CPNE4: variants seen among roughly 807,000 people sequenced by gnomAD.
CPNE4 encodes the protein copine-4.
Under a neutral mutation model 67.9 loss-of-function variants are expected in CPNE4, and 25 were observed. That is an observed-to-expected ratio of 0.37 (90% CI 0.27 to 0.51). The LOEUF (loss-of-function observed/expected upper bound fraction) is 0.51. CPNE4 is among the 20% of genes least tolerant of loss of function. The probability of loss-of-function intolerance (pLI) is 0.93; values close to 1 mark genes in which losing one functional copy is unlikely to be tolerated. For missense variants in CPNE4, 464 were observed against 690.8 expected (o/e 0.67, Z 3.68); for synonymous variants, 242 against 244.9 (o/e 0.99, Z 0.11).
chr3:131,703,256 A>G (rs2081345125), intron 3 of CPNE4, among the ~76,000 whole-genome samples: 1 of 152,252 alleles, frequency 6.6e-6, no homozygotes, highest in Non-Finnish European at 1.5e-5. Flanking sequence ...ATTTGAGGCC[A>G]ACAAATAGCA....
chr3:132,012,496 G>C (rs2107678881), intron 1 of CPNE4, among the ~76,000 whole-genome samples: 1 of 152,166 alleles, frequency 6.6e-6, no homozygotes, highest in South Asian at 2.1e-4. Context: ...GGTGGTACTA[G>C]ATTTGGCTCC....
intron 2 of CPNE4, among the ~76,000 whole-genome samples, chr3:131,777,791 A>G (rs753617626): frequency 6.6e-6 from 1 of 152,102 alleles, no homozygotes; most frequent in Non-Finnish European, 1.5e-5. Flanking sequence ...AGGATGTACA[A>G]TGGAAAGCAG....
chr3:131,568,849 G>A (rs929693799), intron 10 of CPNE4, among the ~76,000 whole-genome samples: 7 of 151,892 alleles, frequency 4.6e-5, no homozygotes, highest in Non-Finnish European at 7.4e-5. Context: ...GAACCTTCTC[G>A]ACGTTTTCTA....
chr3:131,752,384 G>A (rs2082651746), intron 2 of CPNE4, among the ~76,000 whole-genome samples: 1 of 152,040 alleles, frequency 6.6e-6, no homozygotes, highest in South Asian at 2.1e-4. Flanking sequence ...GGTCCTTTGG[G>A]TAGGGAGAGT....
chr3:131,652,947 A>G (rs1245695732), intron 7 of CPNE4, among the ~76,000 whole-genome samples: 1 of 152,130 alleles, frequency 6.6e-6, no homozygotes, highest in African/African-American at 2.4e-5. Context: ...AACTGAATTC[A>G]TCTTTCTCAT....
At chr3:131,778,304 T>C (rs1016121537) in intron 2 of CPNE4, among the ~76,000 whole-genome samples, 2 of 152,052 alleles carry the variant, frequency 1.3e-5, no homozygotes. Context: ...CCTCCTATCG[T>C]GTACCCTTCC....
chr3:132,016,676 T>C lies in CPNE4; in HGVS notation c.-2+17891A>G, dbSNP rs1488117838. Reference sequence around the variant, plus strand: ...TCCTGGATTGAAATTTTCTCTCCTCTTTGAATATTAAAATCCTATTTGGAA... The same window carrying C: ...TCCTGGATTGAAATTTTCTCTCCTCCTTGAATATTAAAATCCTATTTGGAA... On this transcript the variant is annotated intron_variant, in intron 1 of 15. Coordinates refer to ENST00000429747, the MANE Select transcript of CPNE4 (RefSeq NM_130808.3). 3.3e-5 allele frequency among the ~76,000 whole-genome samples: 5 copies of C among 152,208 alleles called. 1 individual carries two copies. The South Asian group carries it at 1.0e-3, about 32-fold the overall frequency.
At chr3:132,038,003 C>CTTTTTTTT (rs35184182), upstream of CPNE4, 1 of 145,464 alleles carries the variant, frequency 6.9e-6, no homozygotes, top group African/African-American at 2.6e-5. Context: ...TATTTTCTTT[C>CTTTTTTTT]TTTTTTTTTT....
intron 2 of CPNE4, among the ~76,000 whole-genome samples, chr3:131,888,768 G>A (rs545564428): frequency 6.6e-6 from 1 of 152,134 alleles, no homozygotes; most frequent in African/African-American, 2.4e-5. Flanking sequence ...TGCAGAGAGT[G>A]GAGGGGATAA....
chr3:131,547,281 C>T (rs369571181), intron 14 of CPNE4, among the ~76,000 whole-genome samples: 271 of 151,508 alleles, frequency 1.8e-3, no homozygotes, highest in African/African-American at 6.4e-3. Context: ...ATAGCAAGAC[C>T]CCACCTCTAC....
intron 2 of CPNE4, among the ~76,000 whole-genome samples, chr3:131,770,792 C>T (rs1247396090): frequency 2.6e-5 from 4 of 152,184 alleles, no homozygotes; most frequent in African/African-American, 7.2e-5. Context: ...TTGGAAACCT[C>T]CCTGACTTAC....
chr3:132,006,774 G>A (rs566682153), intron 1 of CPNE4, among the ~76,000 whole-genome samples: 1 of 152,086 alleles, frequency 6.6e-6, no homozygotes, highest in South Asian at 2.1e-4. Flanking sequence ...GTCACAATGG[G>A]GCATGACGTG....
intron 2 of CPNE4, among the ~76,000 whole-genome samples, chr3:131,806,154 T>C (rs1417830047): frequency 1.3e-5 from 2 of 152,358 alleles, no homozygotes; most frequent in Non-Finnish European, 2.9e-5. Flanking sequence ...TCTGGGAAGT[T>C]AAGGAGAACG....
At chr3:131,853,863 C>T (rs1334347252) in intron 2 of CPNE4, among the ~76,000 whole-genome samples, 1 of 151,780 alleles carries the variant, frequency 6.6e-6, no homozygotes, top group Non-Finnish European at 1.5e-5. Context: ...ACTAAAATGG[C>T]TAAAATGAAA....
At position 131,613,978 on chromosome 3, in the gene CPNE4, G is replaced by A. The variant is rs552722991; in HGVS notation, c.682-26396C>T. ...AACTTAATTAAGAGTTTGGTGGATT[G>A]TCATTTGGCCCAGTGGCTGGCCTGG... On this transcript the variant is annotated intron_variant, in intron 7 of 15. Transcript: ENST00000429747. 1.3e-5 allele frequency among the ~76,000 whole-genome samples: 2 copies of A among 152,280 alleles called. 1 individual carries two copies. Among genetic ancestry groups the A allele is most frequent in the South Asian group, 4.2e-4 (2 of 4,814 alleles).
upstream of CPNE4, chr3:132,037,831 T>C (rs537207063): frequency 9.5e-6 from 5 of 527,090 alleles, no homozygotes; most frequent in Admixed American, 6.2e-5. Context: ...AGGGAAGAAA[T>C]GTGGATTCTT....
At chr3:131,904,095 C>A (rs1164787630) in intron 2 of CPNE4, among the ~76,000 whole-genome samples, 1 of 152,138 alleles carries the variant, frequency 6.6e-6, no homozygotes, top group Non-Finnish European at 1.5e-5. Context: ...CCATTCACAC[C>A]ACTGCCAAAG....
chr3:131,842,688 C>T (rs758088361), intron 2 of CPNE4, among the ~76,000 whole-genome samples: 1 of 146,584 alleles, frequency 6.8e-6, no homozygotes, highest in Non-Finnish European at 1.5e-5. Flanking sequence ...TCCATCACCA[C>T]CAATCAGAAA....
At chr3:131,765,382 C>T (rs557801324) in intron 2 of CPNE4, among the ~76,000 whole-genome samples, 2 of 152,226 alleles carry the variant, frequency 1.3e-5, no homozygotes, top group African/African-American at 2.4e-5. Flanking sequence ...GACAACCTAA[C>T]AGCTTATTTA....
Sources: gnomAD v4.1 joint callset for allele counts (sites outside exome capture counted in the v4.1 genomes callset) on GRCh38, gnomAD v4.1.1 for gene constraint, MANE v1.5 for transcripts, NCBI Gene and HGNC (gene_info 2026-07-23, HGNC 2026-07-21) for gene names.